Variants in M6PR observed in about 807,000 individuals in gnomAD.
M6PR encodes cation-dependent mannose-6-phosphate receptor.
In M6PR, 19 loss-of-function variants were observed where a neutral mutation model predicts 33.1. The observed-to-expected ratio is 0.57, with a 90% CI of 0.40 to 0.84. The LOEUF (loss-of-function observed/expected upper bound fraction) is 0.84. M6PR is among the 40% of genes least tolerant of loss of function. The pLI is 0.00. For missense variants in M6PR, 295 were observed against 336.0 expected (o/e 0.88, Z 0.95); for synonymous variants, 111 against 123.4 (o/e 0.90, Z 0.67).
chr12:8,943,570 T>G, intron 4 of M6PR, 35 bp from the exon 5 acceptor site: 1 of 1,613,814 alleles, frequency 6.2e-7, no homozygotes, highest in Non-Finnish European at 8.5e-7. Flanking sequence ...TTCAGGTGGT[T>G]AAGTGTTTTG....
At chr12:8,944,876 G>T (rs950868658) in intron 3 of M6PR, among the ~76,000 whole-genome samples, 1 of 152,198 alleles carries the variant, frequency 6.6e-6, no homozygotes, top group Admixed American at 6.5e-5. Flanking sequence ...TCTGGCTAGA[G>T]TTGGCTGGGC....
Position 8,943,469 on chromosome 12 carries a change from C to T in M6PR, c.520G>A (p.Asp174Asn), listed in dbSNP as rs1208674783. The T allele has an allele frequency of 1.2e-6, 2 of 1,614,222 alleles. No homozygotes were observed. The highest frequency in any genetic ancestry group is 8.5e-7 in the Non-Finnish European group (1 of 1,180,030). Residue 174 changes from aspartate (D) to asparagine (N), a missense_variant, in exon 5 of 7, where the codon GAT becomes AAT. Asp to Asn is a conservative substitution (Grantham distance 23). Coordinates refer to ENST00000000412, the MANE Select transcript of M6PR (RefSeq NM_002355.4). ...TCTGGTGAACAGGCCAGGCTGCTAT[C>T]CATCTCAAAGAGGTAGAAACAATCT... ...VQDCFYLFEM[D>N]SSLACSPEIS...
intron 1 of M6PR, chr12:8,946,624 G>A (rs1464408861): frequency 1.4e-5 from 6 of 433,060 alleles, no homozygotes; most frequent in African/African-American, 8.0e-5. Context: ...TAATGTATAG[G>A]TGAGTCTTTC....
rs1946013470 is a variant in M6PR at position 8,941,827 on chromosome 12, T to C, written c.825A>G (p.Leu275=). ...EESEERDDHL[L]PM ...ACATATAAAGTGCAATCTACATTGG[T>C]AATAAATGGTCATCCCTTTCTTCTG... Residue 275 remains leucine (L), a synonymous_variant, in exon 7 of 7, where the codon TTA becomes TTG. Transcript: ENST00000000412. 1.2e-6 allele frequency: 2 copies of C among 1,613,986 alleles called. No individual in the cohort carries two copies. The highest frequency in any genetic ancestry group is 2.2e-5 in the South Asian group (2 of 91,084).
intron 5 of M6PR, among the ~76,000 whole-genome samples, chr12:8,942,951 AT>A (rs139521214): frequency 0.057 from 8,111 of 142,768 alleles, 257 homozygotes; most frequent in African/African-American, 0.076. Flanking sequence ...TGCAGTCAGA[AT>A]TTTTTTTTTT....
At position 8,945,596 on chromosome 12, in the gene M6PR, A is replaced by T. The variant is rs2137169421; in HGVS notation, c.177-12T>A. 2 of 1,611,842 alleles carry T rather than the reference A, an allele frequency of 1.2e-6. No homozygotes were observed. Among genetic ancestry groups the T allele is most frequent in the Non-Finnish European group, 8.5e-7 (1 of 1,178,536 alleles). Reference sequence around the variant, plus strand: ...CAGTGCTCTCAAAGCTGTAAAGAGAAGTGGGAAGAAAGAAGAGGAGAGTTA... The same window carrying T: ...CAGTGCTCTCAAAGCTGTAAAGAGATGTGGGAAGAAAGAAGAGGAGAGTTA... On this transcript the variant is annotated splice_polypyrimidine_tract_variant and intron_variant, in intron 2 of 6. Transcript: ENST00000000412.
chr12:8,945,958 C>G (rs1041035953), intron 2 of M6PR, among the ~76,000 whole-genome samples: 1 of 152,122 alleles, frequency 6.6e-6, no homozygotes, highest in East Asian at 1.9e-4. Flanking sequence ...TGACATGTGT[C>G]GGCCTAAATA....
At chr12:8,945,627 T>A (rs750112562) in intron 2 of M6PR, 43 bp from the exon 3 acceptor site, 50 of 1,553,688 alleles carry the variant, frequency 3.2e-5, no homozygotes, top group South Asian at 4.5e-5. Context: ...AGTTACTAGC[T>A]ATCAGCCTCA....
At chr12:8,946,447 GGA>G (rs1404338430) in intron 1 of M6PR, 42 bp from the exon 2 acceptor site, 3 of 1,493,106 alleles carry the variant, frequency 2.0e-6, no homozygotes, top group Admixed American at 1.7e-5. Flanking sequence ...GGTAGGATCA[GGA>G]GAGAGAGGAA....
At chr12:8,947,686 T>C (rs1946116862) in intron 1 of M6PR, among the ~76,000 whole-genome samples, 1 of 152,154 alleles carries the variant, frequency 6.6e-6, no homozygotes, top group African/African-American at 2.4e-5. Flanking sequence ...TTGTTGCTAT[T>C]TTACCAGTAA....
At chr12:8,942,182 G>T in intron 6 of M6PR, 3 of 678,862 alleles carry the variant, frequency 4.4e-6, no homozygotes, top group South Asian at 2.0e-5. Context: ...ATTTAGAAGA[G>T]CCCATCTGGT....
intron 2 of M6PR, 125 bp from the exon 3 acceptor site, chr12:8,945,709 G>T: frequency 1.4e-6 from 1 of 732,094 alleles, no homozygotes; most frequent in Middle Eastern, 3.9e-4. Flanking sequence ...TTGAGGTCAT[G>T]GCTGAGTGAA....
chr12:8,941,602 T>C lies in M6PR; in HGVS notation c.*216A>G. The C allele has an allele frequency of 9.3e-6, 5 of 538,598 alleles. No individual in the cohort carries two copies. In the Middle Eastern group the frequency reaches 1.5e-3, roughly 162 times the overall value. 33.4% of individuals were successfully genotyped at this position (538,598 alleles called of 1,614,324 possible). ...TTCACAGGCCCTATTATATTAACTC[T>C]GACTTACAACTGTACCTCTCTAGAG... On this transcript the variant is annotated 3_prime_UTR_variant, in exon 7 of 7. Coordinates refer to ENST00000000412, the MANE Select transcript of M6PR (RefSeq NM_002355.4).
At chr12:8,944,182 T>C (rs1946064473) in intron 3 of M6PR, among the ~76,000 whole-genome samples, 1 of 152,226 alleles carries the variant, frequency 6.6e-6, no homozygotes, top group Non-Finnish European at 1.5e-5. Context: ...AAACCAATTA[T>C]GATCCATACC....
At position 8,943,835 on chromosome 12, in the gene M6PR, A is replaced by G. The variant is rs1565529839; in HGVS notation, c.419T>C (p.Val140Ala). The G allele has an allele frequency of 1.2e-6, 2 of 1,612,944 alleles. No individual in the cohort carries two copies. The highest frequency in any genetic ancestry group is 1.7e-6 in the Non-Finnish European group (2 of 1,179,888). The part of the protein sequence containing the change: ...NHCGKEQRRA[V>A]VMISCNRHTL... ...GTGTCGATTGCAGGAGATCATCACC[A>G]CTGCACGACGCTGCTCCTTGCCACA... Residue 140 changes from valine (V) to alanine (A), a missense_variant, in exon 4 of 7, where the codon GTG becomes GCG. Val to Ala is a moderately conservative substitution (Grantham distance 64). Coordinates refer to ENST00000000412, the MANE Select transcript of M6PR (RefSeq NM_002355.4).
At chr12:8,947,654 A>G (rs780535555) in intron 1 of M6PR, among the ~76,000 whole-genome samples, 4 of 152,140 alleles carry the variant, frequency 2.6e-5, no homozygotes, top group Non-Finnish European at 5.9e-5. Context: ...AATCCTCACA[A>G]CCTTATGAGT....
intron 5 of M6PR, among the ~76,000 whole-genome samples, chr12:8,942,951 A>G (rs1299289697): frequency 7.0e-6 from 1 of 142,832 alleles, no homozygotes; most frequent in Admixed American, 6.9e-5. Context: ...TGCAGTCAGA[A>G]TTTTTTTTTT....
At position 8,946,210 on chromosome 12, in the gene M6PR, T is replaced by C; in HGVS notation, c.176+19A>G. On this transcript the variant is annotated intron_variant, in intron 2 of 6. Transcript: ENST00000000412. ...AACATAAATATTTTCTCAAGCTCTT[T>C]AAGGTTCTTCTCATTTACCTTTTAT... 7 of 1,606,586 alleles carry C rather than the reference T, an allele frequency of 4.4e-6. No individual in the cohort carries two copies. The highest frequency in any genetic ancestry group is 6.0e-6 in the Non-Finnish European group (7 of 1,175,058).
chr12:8,942,418 C>G lies in M6PR; in HGVS notation c.709G>C (p.Ala237Pro), dbSNP rs775862469. ...CAACCAGCTGCCCTGTTACTTACTG[C>G]TACCAGGTTGCCAAGATCCTGCCAG... ...AFWQDLGNLV[A>P]DGCDFVCRSK... Residue 237 changes from alanine (A) to proline (P), a missense_variant and splice_region_variant, in exon 6 of 7, where the codon GCA (alanine) becomes CCA (proline). By Grantham distance (27) the Ala-to-Pro change is conservative (BLOSUM62 -1). Coordinates refer to ENST00000000412, the MANE Select transcript of M6PR (RefSeq NM_002355.4). The G allele has an allele frequency of 1.2e-6, 2 of 1,614,202 alleles. No homozygotes were observed. The highest frequency in any genetic ancestry group is 1.7e-6 in the Non-Finnish European group (2 of 1,180,026).
Sources: allele counts gnomAD v4.1 joint callset (sites outside exome capture counted in the v4.1 genomes callset), GRCh38; gene constraint gnomAD v4.1.1; transcripts MANE v1.5; gene names NCBI Gene and HGNC (gene_info 2026-07-23, HGNC 2026-07-21).